The following WDR86 variants were observed in gnomAD, a reference collection of about 807,000 sequenced individuals.
WDR86 encodes WD repeat domain 86.
Under a neutral mutation model 36.5 loss-of-function variants are expected in WDR86, and 30 were observed. That is an observed-to-expected ratio of 0.82 (90% CI 0.61 to 1.11). The LOEUF (loss-of-function observed/expected upper bound fraction) is 1.11, where lower values mean the gene tolerates loss of function less well. Ranked by LOEUF, WDR86 falls within the 50% of genes most tolerant of loss-of-function variation. The pLI is 0.00. For synonymous variants in WDR86, 255 were observed against 252.9 expected (o/e 1.01, Z -0.08); for missense variants, 545 against 561.2 (o/e 0.97, Z 0.29).
In WDR86 at chr7:151,381,919, T is replaced by C. The variant is rs1475626123; in HGVS notation, c.925A>G (p.Arg309Gly). 6.2e-7 allele frequency: 1 copy of C among 1,610,064 alleles called. No homozygotes were observed. Among genetic ancestry groups the C allele is most frequent in the Non-Finnish European group, 8.5e-7 (1 of 1,178,770 alleles). Residue 309 changes from arginine to glycine, a missense_variant, in exon 5 of 6, where the codon AGG becomes GGG. Coordinates refer to ENST00000334493, the MANE Select transcript of WDR86 (RefSeq NM_198285.3). The surrounding 1 kb of genome is among the most constrained non-coding windows in gnomAD (Gnocchi z 4.8). ...ATGAATGTGTGGCCCCGGAACACCC[T>C]CCGCAGCTCTCCAGACTGCGCGTCG... is the stretch of plus-strand genomic sequence containing the variant. ...AFDAQSGELR[R>G]VFRGHTFIIN...
At chr7:151,379,408 T>C (rs146211009), downstream of WDR86, among the ~76,000 whole-genome samples, 370 of 152,240 alleles carry the variant, frequency 2.4e-3, 1 homozygote, top group African/African-American at 8.2e-3. Context: ...ATATGTCCTA[T>C]GGGTAGCTCC....
intron 3 of WDR86, 85 bp from the exon 4 acceptor site, chr7:151,385,308 T>A (rs1385774216): frequency 6.4e-7 from 1 of 1,571,714 alleles, no homozygotes; most frequent in African/African-American, 1.3e-5. Flanking sequence ...GGAAGGGGCA[T>A]GTGCAGGTCT....
intron 3 of WDR86, 30 bp from the exon 4 acceptor site, chr7:151,385,253 C>T: frequency 6.2e-7 from 1 of 1,606,998 alleles, no homozygotes. Flanking sequence ...AGGTCGGCAG[C>T]TGGGGCAGCT....
chr7:151,383,858 C>T (rs553314435), intron 4 of WDR86, among the ~76,000 whole-genome samples: 8 of 152,352 alleles, frequency 5.3e-5, no homozygotes, highest in African/African-American at 1.9e-4. Flanking sequence ...CAGTGAGCTG[C>T]AGGCTTCGCT....
intron 1 of WDR86, among the ~76,000 whole-genome samples, chr7:151,404,835 G>A (rs1487921464): frequency 6.6e-6 from 1 of 152,176 alleles, no homozygotes. Context: ...CCACCCCAAT[G>A]CAGGAAAAGC....
downstream of WDR86, among the ~76,000 whole-genome samples, chr7:151,370,979 AG>A (rs1797933043): frequency 6.6e-6 from 1 of 152,212 alleles, no homozygotes; most frequent in African/African-American, 2.4e-5. Context: ...GAGAGGCCAC[AG>A]GACAGGTACT....
At chr7:151,385,754 G>T (rs1289743074) in intron 3 of WDR86, among the ~76,000 whole-genome samples, 3 of 152,194 alleles carry the variant, frequency 2.0e-5, no homozygotes, top group African/African-American at 7.2e-5. Context: ...ACAGTGAGAA[G>T]AGGGCCCGGG....
chr7:151,377,175 G>C, downstream of WDR86: 1 of 1,590,448 alleles, frequency 6.3e-7, no homozygotes, highest in Non-Finnish European at 8.6e-7. Context: ...TATTATTGCA[G>C]AGTACCTATC....
In WDR86 at chr7:151,381,329, C is replaced by G; in HGVS notation, c.*253G>C. ...CCCAGGACTAGGCCTTTCGCCAGGT[C>G]AGGGATGGGGAGGGAGGACAGGAGC... On this transcript the variant is annotated 3_prime_UTR_variant, in exon 6 of 6. Coordinates refer to ENST00000334493, the MANE Select transcript of WDR86 (RefSeq NM_198285.3). This position sits in a 1 kb window ranked among gnomAD's most constrained non-coding sequence, Gnocchi z 4.8. The G allele has an allele frequency of 7.3e-7, 1 of 1,367,534 alleles. No individual in the cohort carries two copies. The highest frequency in any genetic ancestry group is 1.5e-5 in the African/African-American group (1 of 65,408). The allele number at this position is 1,367,534 out of a possible 1,614,324, so 84.7% of individuals were successfully genotyped here. A position where few individuals can be genotyped will look rare whatever the true frequency, so the allele number is the denominator to read the frequency against.
Position 151,409,495 on chromosome 7 carries a change from G to C in WDR86, c.95C>G (p.Thr32Arg). The C allele has an allele frequency of 6.5e-7, 1 of 1,533,866 alleles. No homozygotes were observed. Among genetic ancestry groups the C allele is most frequent in the Non-Finnish European group, 8.7e-7 (1 of 1,146,072 alleles). Residue 32 changes from threonine to arginine, a missense_variant, in exon 1 of 6, where the codon ACG becomes AGG. Thr to Arg is a moderately conservative substitution (Grantham distance 71, BLOSUM62 -1). Coordinates refer to ENST00000334493, the MANE Select transcript of WDR86 (RefSeq NM_198285.3). The surrounding 1 kb of genome is among the most constrained non-coding windows in gnomAD (Gnocchi z 5.2). ...SLSPDGQRLL[T>R]GSEDGTARLW... Reference sequence around the variant, plus strand: ...CCGGGCCGTGCCGTCCTCGCTGCCCGTCAGCAGGCGCTGCCCGTCGGGGCT... The same window carrying C: ...CCGGGCCGTGCCGTCCTCGCTGCCCCTCAGCAGGCGCTGCCCGTCGGGGCT...
chr7:151,401,906 G>A lies in WDR86; in HGVS notation c.164-1665C>T, dbSNP rs947956211. ...CTACTAAAAATACAAAAAATTAGCC[G>A]GGCGTGGTGGTGGGCGCCTGTAATC... On this transcript the variant is annotated intron_variant, in intron 1 of 5. Transcript: ENST00000334493. This position sits in a 1 kb window ranked among gnomAD's most constrained non-coding sequence, Gnocchi z 4.3. Among the ~76,000 whole-genome samples, 14 of 150,730 alleles carry A rather than the reference G, an allele frequency of 9.3e-5. No homozygotes were observed. In the South Asian group the frequency reaches 1.0e-3, roughly 11 times the overall value.
rs1243511668 is a variant in WDR86, at chr7:151,401,916, G to C, written c.164-1675C>G. Among the ~76,000 whole-genome samples the C allele has an allele frequency of 4.0e-5, 6 of 150,658 alleles. No homozygotes were observed. The highest frequency in any genetic ancestry group is 4.0e-4 in the Admixed American group (6 of 15,132). ...TACAAAAAATTAGCCGGGCGTGGTGGTGGGCGCCTGTAATCCCAGCTACTC... is the reference window on the plus strand; with the variant it reads ...TACAAAAAATTAGCCGGGCGTGGTGCTGGGCGCCTGTAATCCCAGCTACTC... On this transcript the variant is annotated intron_variant, in intron 1 of 5. Coordinates refer to ENST00000334493, the MANE Select transcript of WDR86 (RefSeq NM_198285.3). The surrounding 1 kb of genome is among the most constrained non-coding windows in gnomAD (Gnocchi z 4.3).
intron 4 of WDR86, 65 bp from the exon 5 acceptor site, chr7:151,382,046 C>T (rs1299804573): frequency 6.9e-7 from 1 of 1,450,914 alleles, no homozygotes; most frequent in Non-Finnish European, 9.4e-7. Context: ...AGGGATGGGG[C>T]GGCGAGAGCG....
rs748373598 is a variant in WDR86, at chr7:151,402,070, A to AATATAT, written c.164-1835_164-1830dup. 2.1e-3 allele frequency among the ~76,000 whole-genome samples: 106 copies of AATATAT among 50,486 alleles called. 2 individuals carry two copies. The highest frequency in any genetic ancestry group is 0.018 in the East Asian group (36 of 2,038). The allele number at this position is 50,486 out of a possible 152,430, so 33.1% of individuals were successfully genotyped here. On this transcript the variant is annotated intron_variant, in intron 1 of 5. Coordinates refer to ENST00000334493, the MANE Select transcript of WDR86 (RefSeq NM_198285.3). Reference sequence around the variant, plus strand: ...CTCAAAAAAAAAAAAAAAAAAAAAAAATATATATATATATATATATATCTC... The same window carrying AATATAT: ...CTCAAAAAAAAAAAAAAAAAAAAAAAATATATATATATATATATATATATATATCTC...
intron 1 of WDR86, among the ~76,000 whole-genome samples, chr7:151,404,266 C>A (rs1800550201): frequency 5.9e-5 from 9 of 152,240 alleles, no homozygotes; most frequent in Admixed American, 5.2e-4. Flanking sequence ...GCCAGGCTGC[C>A]CTGATGCCCT....
intron 2 of WDR86, among the ~76,000 whole-genome samples, chr7:151,396,627 G>A (rs1302265680): frequency 1.3e-5 from 2 of 152,210 alleles, no homozygotes; most frequent in African/African-American, 4.8e-5. Flanking sequence ...GCCTAAGACT[G>A]AGAAAGTCCA....
At chr7:151,369,071 G>A in the WDR86 span, 1,509 of 599,132 alleles carry the variant, frequency 2.5e-3, 20 homozygotes, top group African/African-American at 0.026. Flanking sequence ...GCAGTGGCAC[G>A]ATCTTGGCTC....
At chr7:151,376,527 C>A (rs752472598), downstream of WDR86, 3 of 1,082,828 alleles carry the variant, frequency 2.8e-6, no homozygotes, top group African/African-American at 1.6e-5. Flanking sequence ...ATGGTGCACA[C>A]GCCGGGAGCT....
Position 151,381,683 on chromosome 7 carries a change from C to A in WDR86, c.1030G>T (p.Gly344Trp). 7.0e-7 allele frequency: 1 copy of A among 1,432,902 alleles called. No homozygotes were observed. 88.8% of individuals were successfully genotyped at this position (1,432,902 alleles called of 1,614,324 possible). A position where few individuals can be genotyped will look rare whatever the true frequency, so the allele number is the denominator to read the frequency against. ...GGGGGCCGCGGGGCACCTCGGAGCC[C>A]GCGCACGTCCCAGAGGCGCAGGGCG... ...DGALRLWDVR[G>W]LRGAPRPPPP... The change falls in exon 6 of 6, where the codon GGG (glycine) becomes TGG (tryptophan). Residue 344 changes from glycine (G) to tryptophan (W), a missense_variant. Gly to Trp is a radical substitution (Grantham distance 184, BLOSUM62 -2). Coordinates refer to ENST00000334493, the MANE Select transcript of WDR86 (RefSeq NM_198285.3). The surrounding 1 kb of genome is among the most constrained non-coding windows in gnomAD (Gnocchi z 4.8).
Sources: allele counts gnomAD v4.1 joint callset (sites outside exome capture counted in the v4.1 genomes callset), GRCh38; gene constraint gnomAD v4.1.1; non-coding constraint Gnocchi (gnomAD v3.1); transcripts MANE v1.5; gene names NCBI Gene and HGNC (gene_info 2026-07-23, HGNC 2026-07-21).